The following SYNDIG1 variants were observed in gnomAD, a reference collection of about 807,000 sequenced individuals.
The protein encoded by SYNDIG1 is synapse differentiation inducing 1.
SYNDIG1 carries 9 observed loss-of-function variants against 19.4 expected under a neutral mutation model. The ratio of observed to expected loss-of-function variants is 0.46; its 90% CI spans 0.28 to 0.81. The LOEUF (loss-of-function observed/expected upper bound fraction) is 0.81, where lower values mean the gene tolerates loss of function less well. Ranked by LOEUF, SYNDIG1 falls within the 30% of genes least tolerant of loss-of-function variation. The pLI is 0.12. For synonymous variants in SYNDIG1, 141 were observed against 145.9 expected (o/e 0.97, Z 0.24); for missense variants, 311 against 343.3 (o/e 0.91, Z 0.74).
In SYNDIG1 at chr20:24,598,652, A is replaced by G. The variant is rs141274264; in HGVS notation, c.618+13659A>G. ...ATCGGCTCCTACAGATTCTAGTCCA[A>G]TCTCATTCATGACCTCATTTGCTTT... On this transcript the variant is annotated intron_variant, in intron 3 of 3. Transcript: ENST00000376862. Among the ~76,000 whole-genome samples, 963 of 152,346 alleles carry G rather than the reference A, an allele frequency of 6.3e-3. 6 individuals are homozygous for G. The highest frequency in any genetic ancestry group is 0.012 in the South Asian group (59 of 4,830).
At chr20:24,629,970 C>CAGT (rs1234248222) in intron 3 of SYNDIG1, among the ~76,000 whole-genome samples, 3 of 152,174 alleles carry the variant, frequency 2.0e-5, no homozygotes, top group Admixed American at 1.3e-4. Context: ...ACTTTGAGGT[C>CAGT]ATGCACAAGT....
chr20:24,628,977 A>G (rs571326532), intron 3 of SYNDIG1, among the ~76,000 whole-genome samples: 2 of 152,340 alleles, frequency 1.3e-5, no homozygotes, highest in African/African-American at 4.8e-5. Flanking sequence ...GAAGATGATG[A>G]TTTTGAGGGC....
At chr20:24,596,196 C>A (rs1255502771) in intron 3 of SYNDIG1, among the ~76,000 whole-genome samples, 5 of 152,072 alleles carry the variant, frequency 3.3e-5, no homozygotes, top group South Asian at 2.1e-4. Context: ...TTGATTTCTG[C>A]CCTAATTTTA....
intron 1 of SYNDIG1, among the ~76,000 whole-genome samples, chr20:24,481,687 A>G (rs2055802258): frequency 6.6e-6 from 1 of 152,240 alleles, no homozygotes; most frequent in East Asian, 1.9e-4. Flanking sequence ...CAGGTAGGTC[A>G]GACAGAGAGC....
intron 3 of SYNDIG1, among the ~76,000 whole-genome samples, chr20:24,608,469 G>A (rs952752363): frequency 9.9e-5 from 15 of 152,068 alleles, no homozygotes; most frequent in African/African-American, 2.4e-4. Context: ...GTGAGTCACC[G>A]CGCCCCACCA....
chr20:24,664,942 C>T (rs996813151), intron 3 of SYNDIG1, among the ~76,000 whole-genome samples: 2 of 152,096 alleles, frequency 1.3e-5, no homozygotes, highest in Admixed American at 1.3e-4. Flanking sequence ...TAGAAAATTA[C>T]GAGTTATTCA....
At chr20:24,556,004 A>G (rs1199356934) in intron 2 of SYNDIG1, among the ~76,000 whole-genome samples, 2 of 152,150 alleles carry the variant, frequency 1.3e-5, no homozygotes, top group Admixed American at 6.5e-5. Context: ...TTGGGTGCAT[A>G]TATATTTAGG....
At chr20:24,654,816 G>C (rs1023758476) in intron 3 of SYNDIG1, among the ~76,000 whole-genome samples, 1 of 152,156 alleles carries the variant, frequency 6.6e-6, no homozygotes, top group African/African-American at 2.4e-5. Flanking sequence ...CAGTGAAGGG[G>C]TATAAAGATG....
Position 24,584,916 on chromosome 20 carries a change from C to G in SYNDIG1, c.541C>G (p.His181Asp). 6.2e-7 allele frequency: 1 copy of G among 1,614,138 alleles called. No individual in the cohort carries two copies. The highest frequency in any genetic ancestry group is 8.5e-7 in the Non-Finnish European group (1 of 1,180,042). The change falls in exon 3 of 4, where the codon CAC (histidine) becomes GAC (aspartate). Residue 181 changes from histidine (H) to aspartate (D), a missense_variant. By Grantham distance (81) the His-to-Asp change is moderately conservative (BLOSUM62 -1). Transcript: ENST00000376862. ...TTTCCTCATGATGCCCCCGCGGGACCACCTGGGCCTCAGTGTCTTCTCCAT... is the reference window on the plus strand; with the variant it reads ...TTTCCTCATGATGCCCCCGCGGGACGACCTGGGCCTCAGTGTCTTCTCCAT... Reference protein sequence around the residue: ...DNFLMMPPRDHLGLSVFSMLC... With the variant: ...DNFLMMPPRDDLGLSVFSMLC...
chr20:24,568,011 G>A (rs6138325), intron 2 of SYNDIG1, among the ~76,000 whole-genome samples: 1 of 151,962 alleles, frequency 6.6e-6, no homozygotes, highest in Non-Finnish European at 1.5e-5. Context: ...GGTGATGGCA[G>A]GTGCCTGTAA....
chr20:24,508,865 C>T lies in SYNDIG1; in HGVS notation c.-78-34155C>T, dbSNP rs186953356. 2.9e-3 allele frequency among the ~76,000 whole-genome samples: 448 copies of T among 152,202 alleles called. 2 individuals are homozygous for T. Among genetic ancestry groups the T allele is most frequent in the African/African-American group, 0.01 (430 of 41,520 alleles). Reference sequence around the variant, plus strand: ...AAAGGGGAATAAATAGAGGTGGAAGCGGGAGGCTGAAGATGAAATCGAGGA... The same window carrying T: ...AAAGGGGAATAAATAGAGGTGGAAGTGGGAGGCTGAAGATGAAATCGAGGA... On this transcript the variant is annotated intron_variant, in intron 1 of 3. Transcript: ENST00000376862.
intron 1 of SYNDIG1, among the ~76,000 whole-genome samples, chr20:24,527,578 G>A (rs1385836976): frequency 6.9e-6 from 1 of 145,890 alleles, no homozygotes; most frequent in Non-Finnish European, 1.5e-5. Flanking sequence ...ACTTATGGTG[G>A]CATACAGTCT....
chr20:24,503,713 C>T (rs2056513955), intron 1 of SYNDIG1, among the ~76,000 whole-genome samples: 1 of 152,124 alleles, frequency 6.6e-6, no homozygotes, highest in South Asian at 2.1e-4. Context: ...CCCCCTGACC[C>T]TGTGCTAACT....
At position 24,471,991 on chromosome 20, in the gene SYNDIG1, C is replaced by A. The variant is rs141635638; in HGVS notation, c.-79+2238C>A. Reference sequence around the variant, plus strand: ...TACAAAATCACTTTGATGTAAACTTCAAAAAAATAAAAAAACCATTCCAAA... The same window carrying A: ...TACAAAATCACTTTGATGTAAACTTAAAAAAAATAAAAAAACCATTCCAAA... On this transcript the variant is annotated intron_variant, in intron 1 of 3. Coordinates refer to ENST00000376862, the MANE Select transcript of SYNDIG1 (RefSeq NM_024893.3). Among the ~76,000 whole-genome samples the A allele has an allele frequency of 3.4e-3, 515 of 152,124 alleles. 5 individuals are homozygous for A. Among genetic ancestry groups the A allele is most frequent in the African/African-American group, 0.012 (496 of 41,514 alleles).
intron 1 of SYNDIG1, among the ~76,000 whole-genome samples, chr20:24,527,438 T>C (rs1244133626): frequency 6.6e-6 from 1 of 152,168 alleles, no homozygotes; most frequent in African/African-American, 2.4e-5. Flanking sequence ...ACAATTGTTC[T>C]ATACTTTCTT....
chr20:24,482,776 A>C (rs1459972810), intron 1 of SYNDIG1, among the ~76,000 whole-genome samples: 1 of 152,246 alleles, frequency 6.6e-6, no homozygotes, highest in Non-Finnish European at 1.5e-5. Context: ...GTATGTATTT[A>C]CATGGATCAA....
At chr20:24,584,828 G>C in intron 2 of SYNDIG1, 28 bp from the exon 3 acceptor site, 1 of 1,613,892 alleles carries the variant, frequency 6.2e-7, no homozygotes. Context: ...CTTCTCTCCT[G>C]TCCTGTCCTG....
At chr20:24,552,230 G>A (rs2057719426) in intron 2 of SYNDIG1, among the ~76,000 whole-genome samples, 2 of 152,050 alleles carry the variant, frequency 1.3e-5, no homozygotes, top group South Asian at 4.2e-4. Flanking sequence ...AAACACCAGG[G>A]GTTCCATCTA....
At chr20:24,545,886 G>A (rs1205863026) in intron 2 of SYNDIG1, among the ~76,000 whole-genome samples, 3 of 152,166 alleles carry the variant, frequency 2.0e-5, no homozygotes, top group Non-Finnish European at 2.9e-5. Flanking sequence ...TGAATATAAC[G>A]TAAGATGGAG....
Sources: gnomAD v4.1 joint callset for allele counts (sites outside exome capture counted in the v4.1 genomes callset) on GRCh38, gnomAD v4.1.1 for gene constraint, MANE v1.5 for transcripts, NCBI Gene and HGNC (gene_info 2026-07-23, HGNC 2026-07-21) for gene names.